Variants in STARD4 observed in about 807,000 individuals in gnomAD.
STARD4 encodes the protein stAR-related lipid transfer protein 4.
In STARD4, 33 loss-of-function variants were observed where a neutral mutation model predicts 24.9. That is an observed-to-expected ratio of 1.32 (90% CI 1.00 to 1.77). The LOEUF (loss-of-function observed/expected upper bound fraction) is 1.77. STARD4 is among the 40% of genes most tolerant of loss of function. STARD4 has a pLI of 0.00. For synonymous variants in STARD4, 88 were observed against 77.4 expected, an observed-to-expected ratio of 1.14 and a Z score of -0.72; for missense variants, 238 against 249.3, an observed-to-expected ratio of 0.95 and a Z score of 0.31.
Position 111,507,242 on chromosome 5 carries a change from C to T in STARD4, c.105+87G>A. On this transcript the variant is annotated intron_variant, in intron 2 of 5. Coordinates refer to ENST00000296632, the MANE Select transcript of STARD4 (RefSeq NM_139164.3). The surrounding 1 kb of genome is among the most constrained non-coding windows in gnomAD (Gnocchi z 4.4). Reference sequence around the variant, plus strand: ...ATCCATCCAAAGTATGGTCTTTGTCCATATTGTTCCATTTAATTTTAAAAG... The same window carrying T: ...ATCCATCCAAAGTATGGTCTTTGTCTATATTGTTCCATTTAATTTTAAAAG... 6.6e-6 allele frequency: 7 copies of T among 1,061,956 alleles called. No individual in the cohort carries two copies. Among genetic ancestry groups the T allele is most frequent in the Middle Eastern group, 2.2e-4 (1 of 4,534 alleles). 65.8% of individuals were successfully genotyped at this position (1,061,956 alleles called of 1,614,324 possible). A position where few individuals can be genotyped will look rare whatever the true frequency, so the allele number is the denominator to read the frequency against.
intron 1 of STARD4, among the ~76,000 whole-genome samples, chr5:111,511,497 G>A (rs548256041): frequency 2.0e-5 from 3 of 152,280 alleles, no homozygotes; most frequent in Non-Finnish European, 2.9e-5. Context: ...TGGTGTAAAT[G>A]GGCATACTTT....
intron 1 of STARD4, among the ~76,000 whole-genome samples, chr5:111,511,754 C>T (rs1460358281): frequency 6.6e-6 from 1 of 152,184 alleles, no homozygotes; most frequent in Non-Finnish European, 1.5e-5. Context: ...CTGGGCCCAC[C>T]AAATATTTGT....
intron 3 of STARD4, 33 bp from the exon 4 acceptor site, chr5:111,502,121 A>C (rs770282645): frequency 6.3e-7 from 1 of 1,599,816 alleles, no homozygotes; most frequent in South Asian, 1.1e-5. Context: ...AACCGCTGTT[A>C]CAATAAAAAA....
chr5:111,512,034 C>T (rs17458866), intron 1 of STARD4, among the ~76,000 whole-genome samples: 20,770 of 152,086 alleles, frequency 0.14, 1,465 homozygotes, highest in African/African-American at 0.15. Context: ...AGGACTGTCC[C>T]AAATCAAGCG....
At chr5:111,502,722 G>A (rs1756555745) in intron 3 of STARD4, among the ~76,000 whole-genome samples, 1 of 151,950 alleles carries the variant, frequency 6.6e-6, no homozygotes, top group African/African-American at 2.4e-5. Context: ...GAACCTGGGA[G>A]GCGGAGGTTG....
chr5:111,506,682 A>G (rs1431646210), intron 2 of STARD4, among the ~76,000 whole-genome samples: 1 of 152,194 alleles, frequency 6.6e-6, no homozygotes, highest in Non-Finnish European at 1.5e-5. Context: ...TTATCTATTT[A>G]CCATTACTGA....
chr5:111,506,506 C>G (rs547438784), intron 2 of STARD4, 127 bp from the exon 3 acceptor site: 21 of 419,292 alleles, frequency 5.0e-5, no homozygotes, highest in Non-Finnish European at 8.7e-5. Context: ...TTTCAGAATA[C>G]ATAAAAGTCA....
Position 111,498,903 on chromosome 5 carries a change from A to G in STARD4, c.*983T>C, listed in dbSNP as rs1460743127. ...CTTTCTTTACACTCAAGAAAACACAATAAAGTAAAACACAGATCAAACTAC... is the reference window on the plus strand; with the variant it reads ...CTTTCTTTACACTCAAGAAAACACAGTAAAGTAAAACACAGATCAAACTAC... On this transcript the variant is annotated 3_prime_UTR_variant, in exon 6 of 6. Transcript: ENST00000296632. 1.3e-5 allele frequency: 2 copies of G among 152,216 alleles called. No homozygotes were observed. The highest frequency in any genetic ancestry group is 3.8e-4 in the East Asian group (2 of 5,198). The allele number at this position is 152,216 out of a possible 1,614,324, so 9.4% of individuals were successfully genotyped here.
chr5:111,503,735 T>C (rs1254790679), intron 3 of STARD4, among the ~76,000 whole-genome samples: 1 of 152,160 alleles, frequency 6.6e-6, no homozygotes, highest in African/African-American at 2.4e-5. Context: ...TTCTTGAATA[T>C]GTAAAACACA....
At position 111,498,865 on chromosome 5, in the gene STARD4, A is replaced by G. The variant is rs545840861; in HGVS notation, c.*1021T>C. The G allele has an allele frequency of 6.6e-6, 1 of 152,336 alleles. No individual in the cohort carries two copies. The highest frequency in any genetic ancestry group is 1.5e-5 in the Non-Finnish European group (1 of 68,024). The allele number at this position is 152,336 out of a possible 1,614,324, so 9.4% of individuals were successfully genotyped here. ...CACTTTGTCAAAATGGGTATGAAGAACTTTGATTTATTCTTTCTTTACACT... is the reference window on the plus strand; with the variant it reads ...CACTTTGTCAAAATGGGTATGAAGAGCTTTGATTTATTCTTTCTTTACACT... On this transcript the variant is annotated 3_prime_UTR_variant, in exon 6 of 6. Transcript: ENST00000296632.
chr5:111,510,745 C>T (rs1009348338), intron 1 of STARD4, among the ~76,000 whole-genome samples: 3 of 152,112 alleles, frequency 2.0e-5, no homozygotes, highest in Non-Finnish European at 2.9e-5. Flanking sequence ...TTCTTGAGGC[C>T]ATCTATCAGC....
At chr5:111,505,046 G>GA (rs60507297) in intron 3 of STARD4, 84,270 of 318,790 alleles carry the variant, frequency 0.26, 1,281 homozygotes, top group South Asian at 0.34. Context: ...TTAAGACTCT[G>GA]AAAAAAAAAA....
chr5:111,499,332 C>T lies in STARD4; in HGVS notation c.*554G>A, dbSNP rs2112536495. On this transcript the variant is annotated 3_prime_UTR_variant, in exon 6 of 6. Transcript: ENST00000296632. ...TCTAAGACTGTATTTGTTCTAGTTA[C>T]AGACTGATGCTTTTAAGAGTCTCAA... is the stretch of plus-strand genomic sequence containing the variant. 6.6e-6 allele frequency: 1 copy of T among 152,512 alleles called. No homozygotes were observed. Among genetic ancestry groups the T allele is most frequent in the Non-Finnish European group, 1.5e-5 (1 of 68,206 alleles). 9.4% of individuals were successfully genotyped at this position (152,512 alleles called of 1,614,324 possible). A position where few individuals can be genotyped will look rare whatever the true frequency, so the allele number is the denominator to read the frequency against.
rs779225628 is a variant in STARD4 at position 111,502,076 on chromosome 5, T to A, written c.168A>T (p.Gln56His). 2 of 1,610,976 alleles carry A rather than the reference T, an allele frequency of 1.2e-6. No homozygotes were observed. The highest frequency in any genetic ancestry group is 1.7e-4 in the Middle Eastern group (1 of 6,016). Residue 56 changes from glutamine to histidine, a missense_variant, in exon 4 of 6, where the codon CAA (glutamine) becomes CAT (histidine). Physicochemically the swap from Gln to His is conservative, Grantham distance 24. Coordinates refer to ENST00000296632, the MANE Select transcript of STARD4 (RefSeq NM_139164.3). ...TATAGACAAGGTCATCTATAACACC[T>A]TGGGCTTTGTAGCTGGAGAAAAAAA... ...EEFNGYLYKA[Q>H]GVIDDLVYSI... is the part of the protein sequence containing the mutation.
At position 111,499,067 on chromosome 5, in the gene STARD4, C is replaced by T. The variant is rs1308776818; in HGVS notation, c.*819G>A. The T allele has an allele frequency of 6.6e-6, 1 of 151,988 alleles. No homozygotes were observed. Among genetic ancestry groups the T allele is most frequent in the African/African-American group, 2.4e-5 (1 of 41,390 alleles). 9.4% of individuals were successfully genotyped at this position (151,988 alleles called of 1,614,324 possible). On this transcript the variant is annotated 3_prime_UTR_variant, in exon 6 of 6. Transcript: ENST00000296632. ...ACACATAAACAACTAACATTAAACA[C>T]GGAAATGGATTTCGAGATGTGTGCA...
chr5:111,509,196 T>C (rs1342004650), intron 1 of STARD4, among the ~76,000 whole-genome samples: 1 of 152,128 alleles, frequency 6.6e-6, no homozygotes, highest in Non-Finnish European at 1.5e-5. Context: ...ATTTAATTTA[T>C]CTATTACAGG....
At chr5:111,504,648 C>CAAGCCAAACTTATATT (rs1191843137) in intron 3 of STARD4, among the ~76,000 whole-genome samples, 2 of 152,108 alleles carry the variant, frequency 1.3e-5, no homozygotes, top group African/African-American at 4.8e-5. Flanking sequence ...TTTTATAACT[C>CAAGCCAAACTTATATT]AAGCCAAACT....
chr5:111,506,936 C>A (rs2112565860), intron 2 of STARD4, among the ~76,000 whole-genome samples: 1 of 152,264 alleles, frequency 6.6e-6, no homozygotes, highest in East Asian at 1.9e-4. Flanking sequence ...TTGGGCAAGT[C>A]ACATTAGTAA....
At chr5:111,512,055 C>T (rs1757335198) in intron 1 of STARD4, among the ~76,000 whole-genome samples, 1 of 152,166 alleles carries the variant, frequency 6.6e-6, no homozygotes, top group Non-Finnish European at 1.5e-5. Flanking sequence ...GGATTACCAC[C>T]GCCCCTCTCC....
Sources: gnomAD v4.1 joint callset for allele counts (sites outside exome capture counted in the v4.1 genomes callset) on GRCh38, gnomAD v4.1.1 for gene constraint, Gnocchi (gnomAD v3.1) non-coding constraint, MANE v1.5 for transcripts, NCBI Gene and HGNC (gene_info 2026-07-23, HGNC 2026-07-21) for gene names.